The following PTPRG variants were observed in gnomAD, a reference collection of about 807,000 sequenced individuals.
PTPRG encodes receptor-type tyrosine-protein phosphatase gamma.
Under a neutral mutation model 165.3 loss-of-function variants are expected in PTPRG, and 102 were observed. That is an observed-to-expected ratio of 0.62 (90% CI 0.53 to 0.73). The LOEUF is 0.73. PTPRG is among the 30% of genes least tolerant of loss of function. PTPRG has a pLI of 0.00. For missense variants in PTPRG, 1,866 were observed against 1,861.4 expected (o/e 1.00, Z -0.05); for synonymous variants, 675 against 669.5 (o/e 1.01, Z -0.13).
intron 5 of PTPRG, among the ~76,000 whole-genome samples, chr3:62,097,264 C>T (rs1245959634): frequency 2.6e-5 from 4 of 152,160 alleles, no homozygotes; most frequent in Non-Finnish European, 5.9e-5. Flanking sequence ...ATGTAATCTT[C>T]CAGCTGAGAA....
chr3:62,069,684 T>TCTCTCTCTCACACACA lies in PTPRG; in HGVS notation c.520-8478_520-8477insTCTCTCTCACACACAC, dbSNP rs542306888. ...CTCTCTCTCTCTCTCTCTCTCTCTC[T>TCTCTCTCTCACACACA]CACACACAGACACACGCACACACAC... On this transcript the variant is annotated intron_variant, in intron 4 of 29. Coordinates refer to ENST00000474889, the MANE Select transcript of PTPRG (RefSeq NM_002841.4). Among the ~76,000 whole-genome samples, 202 of 144,944 alleles carry TCTCTCTCTCACACACA rather than the reference T, an allele frequency of 1.4e-3. 1 individual carries two copies. Among genetic ancestry groups the TCTCTCTCTCACACACA allele is most frequent in the African/African-American group, 4.4e-3 (166 of 37,742 alleles).
At chr3:61,918,768 G>A (rs1484502779) in intron 2 of PTPRG, among the ~76,000 whole-genome samples, 3 of 152,168 alleles carry the variant, frequency 2.0e-5, no homozygotes, top group Non-Finnish European at 4.4e-5. Context: ...ACTGAATATG[G>A]CAGGGATTTA....
chr3:61,564,862 G>T (rs1163767980), intron 1 of PTPRG, among the ~76,000 whole-genome samples: 1 of 152,206 alleles, frequency 6.6e-6, no homozygotes, highest in Non-Finnish European at 1.5e-5. Flanking sequence ...CGAGGCGGCG[G>T]CCTCGGCCTG....
At chr3:62,026,609 A>G (rs2041808377) in intron 4 of PTPRG, among the ~76,000 whole-genome samples, 1 of 152,204 alleles carries the variant, frequency 6.6e-6, no homozygotes, top group Admixed American at 6.5e-5. Flanking sequence ...ATTAGAGGCC[A>G]GGCACGGTGG....
At chr3:62,023,689 AG>A (rs773506689) in intron 4 of PTPRG, among the ~76,000 whole-genome samples, 1 of 152,184 alleles carries the variant, frequency 6.6e-6, no homozygotes, top group Non-Finnish European at 1.5e-5. Context: ...ATGGAAACCT[AG>A]GGAGACTGTT....
chr3:61,661,745 TTATA>T (rs1702674623), intron 1 of PTPRG, among the ~76,000 whole-genome samples: 1 of 152,068 alleles, frequency 6.6e-6, no homozygotes, highest in South Asian at 2.1e-4. Context: ...ATTAGCATTC[TTATA>T]TAACAGACTC....
At chr3:62,019,408 A>AG (rs2041629546) in intron 4 of PTPRG, among the ~76,000 whole-genome samples, 1 of 151,890 alleles carries the variant, frequency 6.6e-6, no homozygotes, top group Non-Finnish European at 1.5e-5. Context: ...CTGTGGTCCC[A>AG]GCTACTTGGG....
chr3:61,992,681 C>G (rs1559733793), intron 3 of PTPRG, among the ~76,000 whole-genome samples: 1 of 152,174 alleles, frequency 6.6e-6, no homozygotes, highest in Non-Finnish European at 1.5e-5. Flanking sequence ...GCCACCACCC[C>G]TGGCTAATTT....
chr3:62,263,181 C>A, intron 17 of PTPRG: 1 of 285,340 alleles, frequency 3.5e-6, no homozygotes, highest in South Asian at 6.7e-5. Flanking sequence ...ATGTTGGGAG[C>A]CAAAATTTGA....
rs138958689 is a variant in PTPRG, at chr3:61,808,100, A to G, written c.190+59118A>G. Among the ~76,000 whole-genome samples, 425 of 152,346 alleles carry G rather than the reference A, an allele frequency of 2.8e-3. 2 individuals carry two copies. The highest frequency in any genetic ancestry group is 4.6e-3 in the Non-Finnish European group (315 of 68,028). ...GATATTGTTATACAAACAAAACTCAATAGGCATTACTGAAATCCAGAGAGT... is the reference window on the plus strand; with the variant it reads ...GATATTGTTATACAAACAAAACTCAGTAGGCATTACTGAAATCCAGAGAGT... On this transcript the variant is annotated intron_variant, in intron 2 of 29. Coordinates refer to ENST00000474889, the MANE Select transcript of PTPRG (RefSeq NM_002841.4).
intron 4 of PTPRG, among the ~76,000 whole-genome samples, chr3:62,055,391 G>A (rs1371390215): frequency 1.3e-5 from 2 of 152,202 alleles, no homozygotes; most frequent in Non-Finnish European, 2.9e-5. Flanking sequence ...GCTACTGTTT[G>A]TTGAGCTTGT....
intron 1 of PTPRG, among the ~76,000 whole-genome samples, chr3:61,563,222 C>A (rs1392981904): frequency 6.6e-6 from 1 of 152,088 alleles, no homozygotes; most frequent in East Asian, 1.9e-4. Context: ...TCTCGCGCGC[C>A]CTGCCTACCT....
At chr3:62,051,958 C>T (rs946412706) in intron 4 of PTPRG, among the ~76,000 whole-genome samples, 3 of 152,100 alleles carry the variant, frequency 2.0e-5, no homozygotes, top group African/African-American at 2.4e-5. Flanking sequence ...ACCTTTGTAA[C>T]CAAACCACCT....
chr3:61,617,956 G>T (rs1300569318), intron 1 of PTPRG, among the ~76,000 whole-genome samples: 1 of 152,188 alleles, frequency 6.6e-6, no homozygotes, highest in Non-Finnish European at 1.5e-5. Flanking sequence ...ACCATTTTAA[G>T]GAATTGAAAT....
intron 2 of PTPRG, among the ~76,000 whole-genome samples, chr3:61,794,899 G>A (rs1468887305): frequency 1.3e-5 from 2 of 151,990 alleles, no homozygotes; most frequent in Non-Finnish European, 2.9e-5. Context: ...ATGGTATTTG[G>A]ACTTATTTAG....
intron 1 of PTPRG, among the ~76,000 whole-genome samples, chr3:61,616,540 C>T (rs1575540159): frequency 6.6e-6 from 1 of 152,096 alleles, no homozygotes; most frequent in South Asian, 2.1e-4. Flanking sequence ...AATACTCTTC[C>T]GTGTAGACAC....
chr3:61,950,916 A>G (rs1406514044), intron 2 of PTPRG, among the ~76,000 whole-genome samples: 1 of 152,236 alleles, frequency 6.6e-6, no homozygotes, highest in Non-Finnish European at 1.5e-5. Context: ...ATTTTGCAGT[A>G]ATCCTATGTC....
intron 2 of PTPRG, among the ~76,000 whole-genome samples, chr3:61,953,219 A>T (rs1183418607): frequency 1.3e-5 from 2 of 152,124 alleles, no homozygotes; most frequent in Non-Finnish European, 2.9e-5. Flanking sequence ...CACTTCCTTC[A>T]GGAGGCTTTT....
chr3:62,242,860 AGAG>A (rs527857399), intron 14 of PTPRG, among the ~76,000 whole-genome samples: 156 of 152,260 alleles, frequency 1.0e-3, no homozygotes, highest in African/African-American at 3.5e-3. Flanking sequence ...GTGCGACGCC[AGAG>A]GAGGACAGAT....
Sources: gnomAD v4.1 joint callset for allele counts (sites outside exome capture counted in the v4.1 genomes callset) on GRCh38, gnomAD v4.1.1 for gene constraint, MANE v1.5 for transcripts, NCBI Gene and HGNC (gene_info 2026-07-23, HGNC 2026-07-21) for gene names.